KCNJ6: variants seen among roughly 807,000 people sequenced by gnomAD.
KCNJ6 encodes potassium inwardly rectifying channel subfamily J member 6, also known as G protein-activated inward rectifier potassium channel 2.
KCNJ6 carries 9 observed loss-of-function variants against 34.2 expected under a neutral mutation model. The observed-to-expected ratio is 0.26, with a 90% confidence interval of 0.16 to 0.46. KCNJ6 has a LOEUF of 0.46. Ranked by LOEUF, KCNJ6 falls within the 20% of genes least tolerant of loss-of-function variation. KCNJ6 has a pLI of 1.00. For synonymous variants in KCNJ6, 196 were observed against 207.1 expected, an observed-to-expected ratio of 0.95 and a Z score of 0.46; for missense variants, 236 against 531.3, an observed-to-expected ratio of 0.44 and a Z score of 5.46.
intron 2 of KCNJ6, among the ~76,000 whole-genome samples, chr21:37,787,135 T>TA (rs567556433): frequency 1.4e-3 from 210 of 152,056 alleles, no homozygotes; most frequent in African/African-American, 4.7e-3. Context: ...GAAAATAGTT[T>TA]AAAAAAAACA....
chr21:37,615,244 C>CTTTTTTTTTTTTTTTTTTT lies in KCNJ6; in HGVS notation c.*9896_*9914dup, dbSNP rs1156939747. The CTTTTTTTTTTTTTTTTTTT allele has an allele frequency of 6.1e-5, 6 of 98,890 alleles. No individual in the cohort carries two copies. Among genetic ancestry groups the CTTTTTTTTTTTTTTTTTTT allele is most frequent in the African/African-American group, 2.0e-4 (5 of 25,164 alleles). The allele number at this position is 98,890 out of a possible 1,614,324, so 6.1% of individuals were successfully genotyped here. Reference sequence around the variant, plus strand: ...ACCCTCGACTGACATTCCCAGCATTCTTTTTTTTTTTTTTTTTTTTTTTTT... The same window carrying CTTTTTTTTTTTTTTTTTTT: ...ACCCTCGACTGACATTCCCAGCATTCTTTTTTTTTTTTTTTTTTTTTTTTTTTTTTTTTTTTTTTTTTTT... On this transcript the variant is annotated 3_prime_UTR_variant, in exon 4 of 4. Transcript: ENST00000609713.
chr21:37,687,536 G>A (rs1263255542), intron 3 of KCNJ6, among the ~76,000 whole-genome samples: 1 of 152,164 alleles, frequency 6.6e-6, no homozygotes, highest in African/African-American at 2.4e-5. Flanking sequence ...TTCTCATAAA[G>A]GATTCCAGAC....
chr21:37,781,140 A>T (rs1459770422), intron 2 of KCNJ6, among the ~76,000 whole-genome samples: 1 of 152,154 alleles, frequency 6.6e-6, no homozygotes, highest in East Asian at 1.9e-4. Context: ...CCATCTCCAC[A>T]CCACCACCCA....
At chr21:37,833,805 C>G (rs1348285315) in intron 2 of KCNJ6, among the ~76,000 whole-genome samples, 1 of 152,208 alleles carries the variant, frequency 6.6e-6, no homozygotes, top group Non-Finnish European at 1.5e-5. Flanking sequence ...AAAAGGCACA[C>G]TGACTGTGGA....
intron 2 of KCNJ6, among the ~76,000 whole-genome samples, chr21:37,805,191 T>C (rs554635197): frequency 2.0e-5 from 3 of 152,242 alleles, no homozygotes; most frequent in East Asian, 1.9e-4. Context: ...ATTGTGGTGA[T>C]GGTTGCATGA....
intron 3 of KCNJ6, among the ~76,000 whole-genome samples, chr21:37,638,581 G>T (rs1048159091): frequency 3.9e-5 from 6 of 152,184 alleles, no homozygotes; most frequent in African/African-American, 1.4e-4. Flanking sequence ...GCCACCATTT[G>T]TCCCAAATTG....
chr21:37,688,077 T>C (rs955410802), intron 3 of KCNJ6, among the ~76,000 whole-genome samples: 16 of 152,174 alleles, frequency 1.1e-4, no homozygotes, highest in Non-Finnish European at 2.2e-4. Flanking sequence ...TAGAGAACTC[T>C]CTATTTCTAT....
At chr21:37,646,928 C>T (rs2054407785) in intron 3 of KCNJ6, among the ~76,000 whole-genome samples, 1 of 152,142 alleles carries the variant, frequency 6.6e-6, no homozygotes, top group Non-Finnish European at 1.5e-5. Flanking sequence ...CCACCTCAGC[C>T]TCCCAAAGTG....
chr21:37,875,973 A>G (rs945830167), intron 1 of KCNJ6, among the ~76,000 whole-genome samples: 4 of 152,260 alleles, frequency 2.6e-5, no homozygotes, highest in African/African-American at 7.2e-5. Flanking sequence ...ATGAAGAATC[A>G]ATGGGGACCA....
chr21:37,833,642 A>G (rs1182410899), intron 2 of KCNJ6, among the ~76,000 whole-genome samples: 3 of 152,134 alleles, frequency 2.0e-5, no homozygotes, highest in African/African-American at 4.8e-5. Flanking sequence ...ACCAGTGTGG[A>G]CAAGTGGCAT....
chr21:37,741,034 A>G (rs2054938868), intron 2 of KCNJ6, among the ~76,000 whole-genome samples: 1 of 152,022 alleles, frequency 6.6e-6, no homozygotes, highest in South Asian at 2.1e-4. Context: ...TTTCTTGGGG[A>G]AAGGTCTCCT....
intron 1 of KCNJ6, among the ~76,000 whole-genome samples, chr21:37,899,256 C>A (rs1485440583): frequency 6.6e-6 from 1 of 152,076 alleles, no homozygotes; most frequent in Non-Finnish European, 1.5e-5. Context: ...CGGTAGAAAT[C>A]ATGACATCGC....
intron 2 of KCNJ6, among the ~76,000 whole-genome samples, chr21:37,833,020 TTC>T (rs764013370): frequency 3.4e-5 from 2 of 59,314 alleles, no homozygotes; most frequent in Non-Finnish European, 5.6e-5. Flanking sequence ...TTCTTTTCTT[TTC>T]TTTTTTTTTG....
chr21:37,824,294 G>C (rs938320266), intron 2 of KCNJ6, among the ~76,000 whole-genome samples: 1 of 152,156 alleles, frequency 6.6e-6, no homozygotes, highest in Non-Finnish European at 1.5e-5. Context: ...TAATTTTTAT[G>C]ATATGACTGT....
At chr21:37,903,729 A>AAAAT (rs1787529378) in intron 1 of KCNJ6, among the ~76,000 whole-genome samples, 1 of 144,892 alleles carries the variant, frequency 6.9e-6, no homozygotes, top group Non-Finnish European at 1.5e-5. Flanking sequence ...AATTAAAAAC[A>AAAAT]AAACAAAACA....
intron 1 of KCNJ6, among the ~76,000 whole-genome samples, chr21:37,870,654 T>G (rs1017812880): frequency 1.2e-4 from 19 of 152,074 alleles, no homozygotes; most frequent in Non-Finnish European, 1.9e-4. Flanking sequence ...GTAAATCATT[T>G]GAAAGTAAAT....
At chr21:37,669,626 A>G (rs956265980) in intron 3 of KCNJ6, among the ~76,000 whole-genome samples, 63 of 151,742 alleles carry the variant, frequency 4.2e-4, no homozygotes, top group African/African-American at 1.5e-3. Context: ...CATCTCTGCT[A>G]TAATGCAGGG....
At chr21:37,854,377 C>T (rs759965561) in intron 1 of KCNJ6, among the ~76,000 whole-genome samples, 26 of 151,954 alleles carry the variant, frequency 1.7e-4, no homozygotes, top group Admixed American at 9.2e-4. Context: ...GAGAATATTA[C>T]GTTAAGTGAA....
intron 1 of KCNJ6, among the ~76,000 whole-genome samples, chr21:37,885,393 AC>A (rs2055730369): frequency 6.6e-6 from 1 of 152,204 alleles, no homozygotes; most frequent in Admixed American, 6.5e-5. Flanking sequence ...GGGGACACAC[AC>A]CTGCTCCCAA....
Sources: allele counts gnomAD v4.1 joint callset (sites outside exome capture counted in the v4.1 genomes callset), GRCh38; gene constraint gnomAD v4.1.1; transcripts MANE v1.5; gene names NCBI Gene and HGNC (gene_info 2026-07-23, HGNC 2026-07-21).